The following MACROD2 variants were observed in gnomAD, a reference collection of about 807,000 sequenced individuals.
MACROD2 encodes ADP-ribose glycohydrolase MACROD2.
MACROD2 carries 36 observed loss-of-function variants against 70.4 expected under a neutral mutation model. The observed-to-expected ratio is 0.51, with a 90% CI of 0.39 to 0.68. The LOEUF (loss-of-function observed/expected upper bound fraction) is 0.68, where lower values mean the gene tolerates loss of function less well. MACROD2 is among the 30% of genes least tolerant of loss of function. The pLI is 0.00. For synonymous variants in MACROD2, 172 were observed against 178.8 expected (o/e 0.96, Z 0.30); for missense variants, 496 against 538.4 (o/e 0.92, Z 0.78).
intron 5 of MACROD2, among the ~76,000 whole-genome samples, chr20:15,142,961 G>A (rs1019457297): frequency 2.6e-5 from 4 of 152,154 alleles, no homozygotes; most frequent in East Asian, 1.9e-4. Context: ...GAATACTGCT[G>A]CAATAAACAT....
intron 5 of MACROD2, among the ~76,000 whole-genome samples, chr20:14,923,292 TTG>T (rs2074186265): frequency 6.6e-6 from 1 of 152,160 alleles, no homozygotes; most frequent in African/African-American, 2.4e-5. Context: ...ATTCCGGGCT[TTG>T]TATACTGATC....
intron 5 of MACROD2, among the ~76,000 whole-genome samples, chr20:15,200,302 C>T (rs1295844532): frequency 7.2e-5 from 11 of 152,194 alleles, no homozygotes; most frequent in Non-Finnish European, 1.5e-4. Context: ...ATTCAGTCAC[C>T]TTCCTTTGGA....
chr20:14,740,519 A>G (rs964606386), intron 5 of MACROD2, among the ~76,000 whole-genome samples: 4 of 152,124 alleles, frequency 2.6e-5, no homozygotes, highest in African/African-American at 7.2e-5. Context: ...CCTGACAGTA[A>G]TTTAAATTAA....
chr20:14,609,947 A>T (rs141215677), intron 4 of MACROD2, among the ~76,000 whole-genome samples: 130 of 152,258 alleles, frequency 8.5e-4, no homozygotes, highest in African/African-American at 2.9e-3. Flanking sequence ...ATGAGTAATA[A>T]ATTTTTTGTT....
At position 15,166,849 on chromosome 20, in the gene MACROD2, C is replaced by G. The variant is rs1421363319; in HGVS notation, c.419-63091C>G. Reference sequence around the variant, plus strand: ...CAGAAATGAAGGTTTTAAGTTAATACTTAAATTATTAAATTTAAGTATTAA... The same window carrying G: ...CAGAAATGAAGGTTTTAAGTTAATAGTTAAATTATTAAATTTAAGTATTAA... On this transcript the variant is annotated intron_variant, in intron 5 of 17. Coordinates refer to ENST00000684519, the MANE Select transcript of MACROD2 (RefSeq NM_001351661.2). 5.3e-5 allele frequency among the ~76,000 whole-genome samples: 8 copies of G among 150,470 alleles called. 1 individual carries two copies. The East Asian group carries it at 1.6e-3, about 30-fold the overall frequency.
In MACROD2 at chr20:14,326,726, G is replaced by T. The variant is rs564318429; in HGVS notation, c.272-166753G>T. 2 of 1,613,764 alleles carry T rather than the reference G, an allele frequency of 1.2e-6. No homozygotes were observed. The highest frequency in any genetic ancestry group is 1.7e-5 in the Admixed American group (1 of 59,952). Reference sequence around the variant, plus strand: ...TAAGAAAAAGCATTTGGGGGCACCCGATTGATGTGGTTATCTTGAAGATAA... The same window carrying T: ...TAAGAAAAAGCATTTGGGGGCACCCTATTGATGTGGTTATCTTGAAGATAA... On this transcript the variant is annotated intron_variant, in intron 3 of 17. Coordinates refer to ENST00000684519, the MANE Select transcript of MACROD2 (RefSeq NM_001351661.2). This position sits in a 1 kb window ranked among gnomAD's most constrained non-coding sequence, Gnocchi z 5.5.
At chr20:15,068,534 G>A (rs2075595102) in intron 5 of MACROD2, among the ~76,000 whole-genome samples, 1 of 152,112 alleles carries the variant, frequency 6.6e-6, no homozygotes, top group African/African-American at 2.4e-5. Context: ...ATGGTTTGGT[G>A]CCCTCCTCAT....
At chr20:15,464,820 A>AT (rs1234667724) in intron 7 of MACROD2, among the ~76,000 whole-genome samples, 3 of 151,952 alleles carry the variant, frequency 2.0e-5, no homozygotes, top group African/African-American at 7.3e-5. Context: ...TGAAAAGTCT[A>AT]TTTTTTGCTT....
chr20:14,326,880 G>A lies in MACROD2; in HGVS notation c.272-166599G>A. On this transcript the variant is annotated intron_variant, in intron 3 of 17. Transcript: ENST00000684519. The surrounding 1 kb of genome is among the most constrained non-coding windows in gnomAD (Gnocchi z 5.5). ...CACCTAAACCATGATTGTTCAACAGGTTTCCATCTAGAACCAGGCGTTTTA... is the reference window on the plus strand; with the variant it reads ...CACCTAAACCATGATTGTTCAACAGATTTCCATCTAGAACCAGGCGTTTTA... 1 of 1,613,760 alleles carries A rather than the reference G, an allele frequency of 6.2e-7. No individual in the cohort carries two copies. Among genetic ancestry groups the A allele is most frequent in the East Asian group, 2.2e-5 (1 of 44,864 alleles).
intron 4 of MACROD2, among the ~76,000 whole-genome samples, chr20:14,640,901 G>T (rs947344694): frequency 6.6e-6 from 1 of 152,164 alleles, no homozygotes; most frequent in African/African-American, 2.4e-5. Context: ...TCAGGGTGGT[G>T]GTTGCTGAAT....
intron 8 of MACROD2, among the ~76,000 whole-genome samples, chr20:15,622,007 T>A (rs2049132490): frequency 6.6e-6 from 1 of 152,186 alleles, no homozygotes; most frequent in Non-Finnish European, 1.5e-5. Flanking sequence ...GGATGGGCTC[T>A]GCAGTGAGAA....
chr20:15,210,430 G>A (rs175261), intron 5 of MACROD2, among the ~76,000 whole-genome samples: 96,730 of 151,942 alleles, frequency 0.64, 32,183 homozygotes, highest in African/African-American at 0.82. Flanking sequence ...CATATTCTGG[G>A]CACAGTCAAT....
chr20:14,034,184 C>A (rs1421490342), intron 2 of MACROD2, among the ~76,000 whole-genome samples: 1 of 152,134 alleles, frequency 6.6e-6, no homozygotes, highest in Non-Finnish European at 1.5e-5. Context: ...CCATGTTAGC[C>A]AGGATGGCTA....
At chr20:15,639,402 T>C (rs2049419566) in intron 8 of MACROD2, among the ~76,000 whole-genome samples, 1 of 152,146 alleles carries the variant, frequency 6.6e-6, no homozygotes, top group Non-Finnish European at 1.5e-5. Flanking sequence ...ATCAGTCTTT[T>C]CTCTGAAATT....
chr20:14,927,986 A>C (rs1270522026), intron 5 of MACROD2, among the ~76,000 whole-genome samples: 2 of 152,242 alleles, frequency 1.3e-5, no homozygotes, highest in African/African-American at 4.8e-5. Flanking sequence ...GAGTCCTCAG[A>C]GACTTTTAAT....
At chr20:14,855,388 C>T (rs1254785395) in intron 5 of MACROD2, among the ~76,000 whole-genome samples, 1 of 152,152 alleles carries the variant, frequency 6.6e-6, no homozygotes, top group Non-Finnish European at 1.5e-5. Flanking sequence ...CATCCAAGTC[C>T]TTAAAAGGGA....
At chr20:15,922,016 T>C (rs1419262967) in intron 10 of MACROD2, among the ~76,000 whole-genome samples, 1 of 152,248 alleles carries the variant, frequency 6.6e-6, no homozygotes, top group Admixed American at 6.5e-5. Context: ...GGGCTGCTTC[T>C]GGGATATTAA....
intron 3 of MACROD2, among the ~76,000 whole-genome samples, chr20:14,451,975 A>C (rs765167850): frequency 3.3e-5 from 5 of 152,080 alleles, no homozygotes; most frequent in Non-Finnish European, 5.9e-5. Flanking sequence ...CTCCAATAGC[A>C]CATAAAGCTC....
At chr20:14,118,739 G>T (rs1337066121) in intron 3 of MACROD2, among the ~76,000 whole-genome samples, 1 of 151,822 alleles carries the variant, frequency 6.6e-6, no homozygotes, top group East Asian at 1.9e-4. Context: ...GATCTCAAAT[G>T]GGCTTCCACA....
Sources: gnomAD v4.1 joint callset for allele counts (sites outside exome capture counted in the v4.1 genomes callset) on GRCh38, gnomAD v4.1.1 for gene constraint, Gnocchi (gnomAD v3.1) non-coding constraint, MANE v1.5 for transcripts, NCBI Gene and HGNC (gene_info 2026-07-23, HGNC 2026-07-21) for gene names.